KLF17: variants seen among roughly 807,000 people sequenced by gnomAD.
KLF17 encodes the protein KLF transcription factor 17.
A neutral mutation model predicts 34.2 loss-of-function variants in KLF17; 31 were observed. The ratio of observed to expected loss-of-function variants is 0.91; its 90% CI spans 0.68 to 1.22. The LOEUF (loss-of-function observed/expected upper bound fraction) is 1.22, where lower values mean the gene tolerates loss of function less well. Ranked by LOEUF, KLF17 falls within the 50% of genes most tolerant of loss-of-function variation. KLF17 has a pLI of 0.00. For synonymous variants in KLF17, 179 were observed against 186.7 expected, an observed-to-expected ratio of 0.96 and a Z score of 0.34; for missense variants, 478 against 505.2, an observed-to-expected ratio of 0.95 and a Z score of 0.52.
chr1:44,104,435 C>G, the KLF17 span: 8 of 831,564 alleles, frequency 9.6e-6, no homozygotes, highest in East Asian at 2.0e-4. Flanking sequence ...TGTTCTGCTG[C>G]CCCAGGAACC....
chr1:44,083,293 T>G, the KLF17 span, among the ~76,000 whole-genome samples: 1 of 151,238 alleles, frequency 6.6e-6, no homozygotes, highest in African/African-American at 2.4e-5. Context: ...TTTTTTTTTT[T>G]GGTTAAATGA....
chr1:44,054,137 T>C, the KLF17 span, among the ~76,000 whole-genome samples: 2 of 152,210 alleles, frequency 1.3e-5, no homozygotes, highest in African/African-American at 4.8e-5. Flanking sequence ...AATATGCTAA[T>C]GCAGACCCAG....
upstream of KLF17, among the ~76,000 whole-genome samples, chr1:44,118,202 T>C (rs535991175): frequency 5.3e-5 from 8 of 152,332 alleles, no homozygotes; most frequent in African/African-American, 1.9e-4. Context: ...TATTACTCAT[T>C]TCTTGTCTTC....
the KLF17 span, among the ~76,000 whole-genome samples, chr1:44,092,830 A>G: frequency 6.6e-6 from 1 of 152,126 alleles, no homozygotes; most frequent in Non-Finnish European, 1.5e-5. Context: ...TATTCATGTT[A>G]CAAAATTATA....
chr1:44,104,594 C>A, the KLF17 span: 46 of 599,284 alleles, frequency 7.7e-5, 3 homozygotes, highest in South Asian at 7.5e-4. Flanking sequence ...GCCTCCCATG[C>A]CGCTGGTCCC....
intron 3 of KLF17, 63 bp downstream of exon 3, chr1:44,130,819 C>T (rs1223184288): frequency 2.5e-5 from 38 of 1,528,224 alleles, no homozygotes; most frequent in South Asian, 4.6e-5. Flanking sequence ...TTTTTTGAGA[C>T]GGAGTCTCAC....
At chr1:44,132,788 C>T (rs1430091045) in intron 3 of KLF17, among the ~76,000 whole-genome samples, 5 of 152,196 alleles carry the variant, frequency 3.3e-5, no homozygotes, top group Admixed American at 6.5e-5. Context: ...GCCTATCTTT[C>T]CTTGCTCTCC....
chr1:44,053,045 G>T, the KLF17 span, among the ~76,000 whole-genome samples: 6 of 151,836 alleles, frequency 4.0e-5, no homozygotes, highest in African/African-American at 4.8e-5. Context: ...GATTACAGGC[G>T]CAGGCTACCA....
chr1:44,128,876 G>A (rs955646590), intron 1 of KLF17, among the ~76,000 whole-genome samples: 12 of 152,120 alleles, frequency 7.9e-5, no homozygotes, highest in African/African-American at 2.7e-4. Flanking sequence ...GCTGGGCATG[G>A]TGGTGCATGC....
chr1:44,121,768 T>TG (rs1363140485), intron 1 of KLF17, among the ~76,000 whole-genome samples: 1 of 152,334 alleles, frequency 6.6e-6, no homozygotes, highest in East Asian at 1.9e-4. Context: ...CTCATGTGTA[T>TG]GGTAGGTTTC....
the KLF17 span, among the ~76,000 whole-genome samples, chr1:44,055,219 A>T: frequency 6.6e-6 from 1 of 152,156 alleles, no homozygotes; most frequent in African/African-American, 2.4e-5. Context: ...CTCCTACTGG[A>T]CACCTTACCA....
the KLF17 span, among the ~76,000 whole-genome samples, chr1:44,059,503 AG>A: frequency 6.6e-6 from 1 of 152,178 alleles, no homozygotes; most frequent in Admixed American, 6.5e-5. Context: ...CAATATTCCC[AG>A]GGTGCACAGT....
chr1:44,088,815 T>C, the KLF17 span, among the ~76,000 whole-genome samples: 1 of 151,954 alleles, frequency 6.6e-6, no homozygotes, highest in African/African-American at 2.4e-5. Context: ...AGCTAGAGCG[T>C]TAGGTGTGAG....
At chr1:44,057,223 T>C in the KLF17 span, among the ~76,000 whole-genome samples, 3 of 150,830 alleles carry the variant, frequency 2.0e-5, no homozygotes, top group African/African-American at 7.5e-5. Context: ...CTGGAATTAA[T>C]TGCTTTAATT....
the KLF17 span, among the ~76,000 whole-genome samples, chr1:44,103,024 A>T: frequency 2.6e-5 from 4 of 152,228 alleles, no homozygotes; most frequent in Non-Finnish European, 4.4e-5. Context: ...TTATATGAGA[A>T]CAATCATAGC....
chr1:44,116,826 C>T (rs1415301471), upstream of KLF17, among the ~76,000 whole-genome samples: 1 of 152,190 alleles, frequency 6.6e-6, no homozygotes, highest in Non-Finnish European at 1.5e-5. Flanking sequence ...TTCTAACTAC[C>T]ATCTCTATGC....
chr1:44,087,009 T>A, the KLF17 span, among the ~76,000 whole-genome samples: 1 of 152,210 alleles, frequency 6.6e-6, no homozygotes, highest in Non-Finnish European at 1.5e-5. Flanking sequence ...TTGCTTTTCT[T>A]CAGCCATATT....
At chr1:44,088,107 T>TTATTTTTATTTATTTATTTATTTATTTA in the KLF17 span, 1 of 182,524 alleles carries the variant, frequency 5.5e-6, no homozygotes, top group Non-Finnish European at 1.1e-5. Context: ...GCACTCTTAT[T>TTATTTTTATTTATTTATTTATTTATTTA]TTTATTTATT....
At chr1:44,099,893 GAAAGAAAGAA>G in the KLF17 span, among the ~76,000 whole-genome samples, 1 of 62,424 alleles carries the variant, frequency 1.6e-5, no homozygotes, top group African/African-American at 5.3e-5. Flanking sequence ...AAGAAAGAAA[GAAAGAAAGAA>G]AGAAAGAAAG....
Sources: gnomAD v4.1 joint callset for allele counts (sites outside exome capture counted in the v4.1 genomes callset) on GRCh38, gnomAD v4.1.1 for gene constraint, MANE v1.5 for transcripts, NCBI Gene and HGNC (gene_info 2026-07-23, HGNC 2026-07-21) for gene names.